The following COL24A1 variants were observed in gnomAD, a reference collection of about 807,000 sequenced individuals.
COL24A1 encodes the protein collagen alpha-1(XXIV) chain.
COL24A1 carries 224 observed loss-of-function variants against 253.9 expected under a neutral mutation model. That is an observed-to-expected ratio of 0.88 (90% CI 0.79 to 0.99). The LOEUF (loss-of-function observed/expected upper bound fraction) is 0.99. Ranked by LOEUF, COL24A1 falls within the 50% of genes least tolerant of loss-of-function variation. COL24A1 has a pLI of 0.00. For synonymous variants in COL24A1, 685 were observed against 673.7 expected, an observed-to-expected ratio of 1.02 and a Z score of -0.26; for missense variants, 2,131 against 2,068.5, an observed-to-expected ratio of 1.03 and a Z score of -0.59.
Position 85,868,592 on chromosome 1 carries a change from T to C in COL24A1, c.3227A>G (p.Asp1076Gly), listed in dbSNP as rs1680049218. 1.2e-6 allele frequency: 2 copies of C among 1,613,736 alleles called. No individual in the cohort carries two copies. Among genetic ancestry groups the C allele is most frequent in the South Asian group, 1.1e-5 (1 of 91,074 alleles). The change falls in exon 37 of 60, where the codon GAT becomes GGT. Residue 1076 changes from aspartate to glycine, a missense_variant. Transcript: ENST00000370571. Reference protein sequence around the residue: ...VPGGRGLPGEDGEKGEMGLPG... With the variant: ...VPGGRGLPGEGGEKGEMGLPG... Reference sequence around the variant, plus strand: ...TAAGCCCATCTCTCCTTTTTCTCCATCCTCTCCAGGAAGTCCCCTTCCTCC... The same window carrying C: ...TAAGCCCATCTCTCCTTTTTCTCCACCCTCTCCAGGAAGTCCCCTTCCTCC...
intron 5 of COL24A1, among the ~76,000 whole-genome samples, chr1:86,110,491 T>C (rs1705438808): frequency 6.6e-6 from 1 of 151,968 alleles, no homozygotes; most frequent in African/African-American, 2.4e-5. Flanking sequence ...GCCCCTGCAC[T>C]GTGGAAGGCC....
intron 19 of COL24A1, among the ~76,000 whole-genome samples, chr1:85,998,248 T>C (rs78718772): frequency 0.025 from 3,841 of 152,286 alleles, 61 homozygotes; most frequent in Non-Finnish European, 0.037. Flanking sequence ...TGTTTCTACT[T>C]GATAAATCCC....
At chr1:85,825,370 G>A (rs557649706) in intron 43 of COL24A1, among the ~76,000 whole-genome samples, 13 of 152,190 alleles carry the variant, frequency 8.5e-5, no homozygotes, top group Admixed American at 6.5e-4. Flanking sequence ...TGTGAATAAC[G>A]CCGCAATAAA....
intron 47 of COL24A1, among the ~76,000 whole-genome samples, chr1:85,814,056 C>T (rs1201806708): frequency 6.6e-6 from 1 of 151,960 alleles, no homozygotes; most frequent in African/African-American, 2.4e-5. Flanking sequence ...GTTTTCTGAC[C>T]CTGGATTTTG....
At chr1:85,950,048 A>G (rs1334821517) in intron 24 of COL24A1, among the ~76,000 whole-genome samples, 2 of 152,086 alleles carry the variant, frequency 1.3e-5, no homozygotes, top group African/African-American at 2.4e-5. Flanking sequence ...ACTCCTCCAC[A>G]TTATTCAAGG....
At position 86,125,402 on chromosome 1, in the gene COL24A1, A is replaced by T. The variant is rs1383463082; in HGVS notation, c.934T>A (p.Ser312Thr). 1 of 1,613,566 alleles carries T rather than the reference A, an allele frequency of 6.2e-7. No homozygotes were observed. Among genetic ancestry groups the T allele is most frequent in the South Asian group, 1.1e-5 (1 of 91,066 alleles). Residue 312 changes from serine to threonine, a missense_variant, in exon 3 of 60, where the codon TCT (serine) becomes ACT (threonine). Transcript: ENST00000370571. ...CCTGACTGAAGAGAAGATAACTGAG[A>T]TCTTGATATCTGGTGTTCTTGTCTT... ...YKRQEHQISR[S>T]QLSSLQSGNV...
intron 19 of COL24A1, among the ~76,000 whole-genome samples, chr1:86,014,490 G>A (rs1450969377): frequency 6.6e-6 from 1 of 151,808 alleles, no homozygotes; most frequent in Non-Finnish European, 1.5e-5. Flanking sequence ...TGAGCTTTAG[G>A]CCTACAGTTT....
intron 37 of COL24A1, among the ~76,000 whole-genome samples, chr1:85,863,840 A>G (rs1311835635): frequency 6.6e-6 from 1 of 152,202 alleles, no homozygotes. Context: ...AATCAAAACC[A>G]CAATGAGATA....
At chr1:85,805,045 C>T (rs558209398) in intron 47 of COL24A1, among the ~76,000 whole-genome samples, 69 of 152,224 alleles carry the variant, frequency 4.5e-4, no homozygotes, top group Middle Eastern at 3.4e-3. Flanking sequence ...CTTGCTATAT[C>T]GCCCAGGTTG....
intron 19 of COL24A1, among the ~76,000 whole-genome samples, chr1:86,001,506 AC>A (rs1457472280): frequency 6.6e-6 from 1 of 152,148 alleles, no homozygotes; most frequent in Non-Finnish European, 1.5e-5. Context: ...ACTAAATGAC[AC>A]CCTAAATTCT....
chr1:85,822,929 C>G (rs577254790), intron 45 of COL24A1, among the ~76,000 whole-genome samples: 18 of 152,158 alleles, frequency 1.2e-4, no homozygotes, highest in Admixed American at 2.0e-4. Flanking sequence ...GTCAGTTTAA[C>G]CAAAATTCCC....
chr1:85,927,810 C>A (rs1687477385), intron 24 of COL24A1, among the ~76,000 whole-genome samples: 1 of 114,600 alleles, frequency 8.7e-6, no homozygotes, highest in Admixed American at 9.4e-5. Context: ...AGGCACCCCC[C>A]AGCAGGGGCA....
At chr1:86,033,803 G>T (rs1011301015) in intron 13 of COL24A1, 67 bp downstream of exon 13, 15 of 1,331,874 alleles carry the variant, frequency 1.1e-5, no homozygotes, top group Non-Finnish European at 1.5e-5. Context: ...AATAAGGACT[G>T]TAAGTGCAGT....
At chr1:85,990,135 C>CTT (rs140557933) in intron 19 of COL24A1, among the ~76,000 whole-genome samples, 6 of 148,656 alleles carry the variant, frequency 4.0e-5, no homozygotes, top group Admixed American at 2.0e-4. Context: ...CTTTTCTTTT[C>CTT]TTTTTTTTTT....
intron 11 of COL24A1, among the ~76,000 whole-genome samples, chr1:86,049,073 A>G (rs1446836728): frequency 1.3e-5 from 2 of 152,192 alleles, no homozygotes; most frequent in African/African-American, 4.8e-5. Context: ...GATCGGTGAG[A>G]TACATCCTCC....
intron 7 of COL24A1, among the ~76,000 whole-genome samples, chr1:86,075,940 C>T (rs542360368): frequency 1.3e-5 from 2 of 152,274 alleles, no homozygotes; most frequent in African/African-American, 4.8e-5. Context: ...CAATATCATA[C>T]TGAATGAGTA....
In COL24A1 at chr1:85,761,439, T is replaced by TA. The variant is rs563898963; in HGVS notation, c.4411-18dup. On this transcript the variant is annotated splice_polypyrimidine_tract_variant and intron_variant, in intron 54 of 59. Coordinates refer to ENST00000370571, the MANE Select transcript of COL24A1 (RefSeq NM_152890.7). ...AGGTGGACCCTAGAACACAGCAAAT[T>TA]AAAAAAAATACACATTTATTTAGTA... 1.4e-3 allele frequency: 2,265 copies of TA among 1,613,230 alleles called. 38 individuals carry two copies. In the South Asian group the frequency reaches 0.023, roughly 17 times the overall value.
intron 14 of COL24A1, chr1:86,030,529 A>T (rs1698474327): frequency 6.6e-6 from 1 of 152,322 alleles, no homozygotes; most frequent in African/African-American, 2.4e-5. Flanking sequence ...TTCATCACAA[A>T]ACAGGACAAA....
chr1:86,129,907 A>C (rs1648901083), intron 2 of COL24A1, among the ~76,000 whole-genome samples: 1 of 151,790 alleles, frequency 6.6e-6, no homozygotes. Flanking sequence ...TGTTATTTAT[A>C]TCCTCTATAT....
Sources: gnomAD v4.1 joint callset for allele counts (sites outside exome capture counted in the v4.1 genomes callset) on GRCh38, gnomAD v4.1.1 for gene constraint, MANE v1.5 for transcripts, NCBI Gene and HGNC (gene_info 2026-07-23, HGNC 2026-07-21) for gene names.